Variants in RAD54L2 observed in about 807,000 individuals in gnomAD.
RAD54L2 encodes the protein helicase ARIP4.
A neutral mutation model predicts 138.4 loss-of-function variants in RAD54L2; 27 were observed. That is an observed-to-expected ratio of 0.20 (90% CI 0.14 to 0.27). The LOEUF (loss-of-function observed/expected upper bound fraction) is 0.27. RAD54L2 is among the 10% of genes least tolerant of loss of function. The probability of loss-of-function intolerance (pLI) is 1.00; values close to 1 mark genes in which losing one functional copy is unlikely to be tolerated. For missense variants in RAD54L2, 1,396 were observed against 1,890.2 expected (o/e 0.74, Z 4.85); for synonymous variants, 644 against 723.2 (o/e 0.89, Z 1.76).
At chr3:51,568,592 C>T (rs1217207370) in intron 2 of RAD54L2, among the ~76,000 whole-genome samples, 1 of 152,102 alleles carries the variant, frequency 6.6e-6, no homozygotes, top group African/African-American at 2.4e-5. Context: ...TAGGTTGACA[C>T]AGTGAGCACT....
Position 51,630,501 on chromosome 3 carries a change from C to A in RAD54L2, c.598+113C>A. ...CCTTCAATTTGGGATGTGGCTTTGA[C>A]TAATTTCCCTGTGTCTCCTTGGTAA... On this transcript the variant is annotated intron_variant, in intron 6 of 22. Coordinates refer to ENST00000684192, the MANE Select transcript of RAD54L2 (RefSeq NM_015106.4). 3 of 1,077,532 alleles carry A rather than the reference C, an allele frequency of 2.8e-6. 1 individual carries two copies. The highest frequency in any genetic ancestry group is 4.1e-6 in the Non-Finnish European group (3 of 736,030). 66.7% of individuals were successfully genotyped at this position (1,077,532 alleles called of 1,614,324 possible).
Position 51,638,055 on chromosome 3 carries a change from G to A in RAD54L2, c.1683-89G>A. ...GTTGAGATCCTCAAGAGGGAGGTGT[G>A]GCAGGAGTGCAAAAGGCTCTGTTTT... is the stretch of plus-strand genomic sequence containing the variant. On this transcript the variant is annotated intron_variant, in intron 11 of 22. Coordinates refer to ENST00000684192, the MANE Select transcript of RAD54L2 (RefSeq NM_015106.4). The surrounding 1 kb of genome is among the most constrained non-coding windows in gnomAD (Gnocchi z 4.3). 1 of 1,233,154 alleles carries A rather than the reference G, an allele frequency of 8.1e-7. No individual in the cohort carries two copies. Among genetic ancestry groups the A allele is most frequent in the Non-Finnish European group, 1.1e-6 (1 of 871,100 alleles). The allele number at this position is 1,233,154 out of a possible 1,614,324, so 76.4% of individuals were successfully genotyped here. A position where few individuals can be genotyped will look rare whatever the true frequency, so the allele number is the denominator to read the frequency against.
intron 2 of RAD54L2, among the ~76,000 whole-genome samples, chr3:51,587,776 C>T (rs1450985682): frequency 6.6e-6 from 1 of 152,004 alleles, no homozygotes; most frequent in Non-Finnish European, 1.5e-5. Context: ...TTATCTGAAG[C>T]TTAGTAAGAT....
At chr3:51,630,601 G>T in intron 6 of RAD54L2, 104 bp from the exon 7 acceptor site, 2 of 1,077,460 alleles carry the variant, frequency 1.9e-6, no homozygotes, top group Non-Finnish European at 2.7e-6. Flanking sequence ...AATAAGTGTT[G>T]ACAAGTTCTA....
In RAD54L2 at chr3:51,656,024, A is replaced by G. The variant is rs757856196; in HGVS notation, c.3080A>G (p.Gln1027Arg). The G allele has an allele frequency of 2.5e-5, 41 of 1,613,888 alleles. No individual in the cohort carries two copies. Among genetic ancestry groups the G allele is most frequent in the Non-Finnish European group, 3.4e-5 (40 of 1,179,884 alleles). ...CCTGTGGCCAGTGTTCGTCCTGTGC[A>G]GTCCACCCCCATCCCCATGATGCCC... ...EKPVASVRPV[Q>R]STPIPMMPRH... Residue 1027 changes from glutamine to arginine, a missense_variant, in exon 20 of 23, where the codon CAG becomes CGG. This residue lies in a region of RAD54L2 where 634 missense variants were observed against 711.2 expected (regional missense o/e 0.89). Transcript: ENST00000684192.
chr3:51,609,643 A>T (rs189351717), intron 3 of RAD54L2, among the ~76,000 whole-genome samples: 1 of 151,078 alleles, frequency 6.6e-6, no homozygotes, highest in East Asian at 1.9e-4. Flanking sequence ...CTGCTTGTGA[A>T]ACCCCAGTCT....
Position 51,630,382 on chromosome 3 carries a change from C to G in RAD54L2, c.592C>G (p.Arg198Gly), listed in dbSNP as rs773004139. The G allele has an allele frequency of 1.5e-5, 24 of 1,613,066 alleles. No homozygotes were observed. The South Asian group carries it at 2.5e-4, about 17-fold the overall frequency. Residue 198 changes from arginine (R) to glycine (G), a missense_variant, in exon 6 of 23, where the codon CGA (arginine) becomes GGA (glycine). Coordinates refer to ENST00000684192, the MANE Select transcript of RAD54L2 (RefSeq NM_015106.4). ...SSGSEDEKSS[R>G]DEVIELSSGE... Reference sequence around the variant, plus strand: ...TGGCAGTGAGGATGAAAAAAGCAGTCGAGATGGTAAGATCAAACCAGGTGC... The same window carrying G: ...TGGCAGTGAGGATGAAAAAAGCAGTGGAGATGGTAAGATCAAACCAGGTGC...
chr3:51,564,902 T>G (rs939257638), intron 2 of RAD54L2, among the ~76,000 whole-genome samples: 10 of 152,250 alleles, frequency 6.6e-5, no homozygotes, highest in African/African-American at 2.4e-4. Flanking sequence ...AGGATGCTGT[T>G]AAGAAACAGC....
In RAD54L2 at chr3:51,606,418, G is replaced by A. The variant is rs73834263; in HGVS notation, c.139+15859G>A. The stretch of plus-strand genomic sequence containing the variant: ...GGTATACTCTTTAGGTACAGAATCC[G>A]TGATGGACATGAGAAAAGGCAAGGA... On this transcript the variant is annotated intron_variant, in intron 3 of 22. Coordinates refer to ENST00000684192, the MANE Select transcript of RAD54L2 (RefSeq NM_015106.4). 8.8e-3 allele frequency among the ~76,000 whole-genome samples: 1,334 copies of A among 152,258 alleles called. 15 individuals carry two copies. Among genetic ancestry groups the A allele is most frequent in the African/African-American group, 0.022 (923 of 41,546 alleles).
intron 2 of RAD54L2, among the ~76,000 whole-genome samples, chr3:51,565,753 G>A (rs1005048448): frequency 3.9e-5 from 6 of 151,922 alleles, no homozygotes; most frequent in East Asian, 3.9e-4. Flanking sequence ...GATTACAGGC[G>A]TGAGCCACTG....
intron 7 of RAD54L2, among the ~76,000 whole-genome samples, 163 bp from the exon 8 acceptor site, chr3:51,633,414 A>G (rs1700897607): frequency 6.6e-6 from 1 of 152,180 alleles, no homozygotes; most frequent in Non-Finnish European, 1.5e-5. Context: ...TGTCACCAGC[A>G]AATAGATCAG....
intron 3 of RAD54L2, among the ~76,000 whole-genome samples, chr3:51,615,003 A>G (rs1357884528): frequency 2.7e-5 from 4 of 150,120 alleles, no homozygotes; most frequent in African/African-American, 7.3e-5. Context: ...ATTAATTAAT[A>G]TTTTATTTTA....
chr3:51,644,940 G>C (rs749745782), intron 16 of RAD54L2, 84 bp from the exon 17 acceptor site: 14 of 1,344,500 alleles, frequency 1.0e-5, no homozygotes, highest in Non-Finnish European at 1.4e-5. Context: ...AGTAATATTG[G>C]GGTAGAAGTC....
intron 21 of RAD54L2, among the ~76,000 whole-genome samples, chr3:51,658,484 A>G (rs978658367): frequency 3.9e-5 from 6 of 152,292 alleles, no homozygotes; most frequent in African/African-American, 1.4e-4. Context: ...GGGATATGAG[A>G]TTGGTGGAAT....
chr3:51,635,542 T>C, intron 9 of RAD54L2, 51 bp from the exon 10 acceptor site: 2 of 1,527,172 alleles, frequency 1.3e-6, no homozygotes, highest in East Asian at 2.3e-5. Context: ...GAAACAATAA[T>C]TCTTGAGATA....
At chr3:51,649,924 C>G (rs1701386055) in intron 19 of RAD54L2, among the ~76,000 whole-genome samples, 2 of 150,828 alleles carry the variant, frequency 1.3e-5, no homozygotes, top group Admixed American at 1.3e-4. Flanking sequence ...GGATCAAATT[C>G]ACACATAACA....
intron 2 of RAD54L2, among the ~76,000 whole-genome samples, chr3:51,571,671 A>T (rs946475683): frequency 2.0e-5 from 3 of 151,946 alleles, no homozygotes; most frequent in Non-Finnish European, 2.9e-5. Context: ...CCTGTCCTCA[A>T]ATAGCTTATT....
At chr3:51,542,750 A>T (rs947899452) in intron 2 of RAD54L2, among the ~76,000 whole-genome samples, 1 of 152,168 alleles carries the variant, frequency 6.6e-6, no homozygotes, top group African/African-American at 2.4e-5. Flanking sequence ...GGTGTGAGCC[A>T]CCGCGCCTGG....
chr3:51,663,070 C>T lies in RAD54L2; in HGVS notation c.4054C>T (p.Pro1352Ser), dbSNP rs774394089. The change falls in exon 23 of 23, where the codon CCC (proline) becomes TCC (serine). Residue 1352 changes from proline to serine, a missense_variant. Pro to Ser is a moderately conservative substitution (Grantham distance 74, BLOSUM62 -1). Around this residue, in one of 7 missense-constraint regions of RAD54L2, gnomAD observed 634 missense variants for 711.2 expected, o/e 0.89. Coordinates refer to ENST00000684192, the MANE Select transcript of RAD54L2 (RefSeq NM_015106.4). ...TACTGACCCTCTGGTGCCAGCAGGC[C>T]CCGTCAGTTCCTCTTCCACGGCTAC... ...VTTDPLVPAG[P>S]VSSSSTATSV... The T allele has an allele frequency of 6.2e-7, 1 of 1,613,934 alleles. No homozygotes were observed. Among genetic ancestry groups the T allele is most frequent in the African/African-American group, 1.3e-5 (1 of 75,018 alleles).
Sources: gnomAD v4.1 joint callset for allele counts (sites outside exome capture counted in the v4.1 genomes callset) on GRCh38, gnomAD v4.1.1 for gene constraint, gnomAD v4.1.1 regional missense constraint, Gnocchi (gnomAD v3.1) non-coding constraint, MANE v1.5 for transcripts, NCBI Gene and HGNC (gene_info 2026-07-23, HGNC 2026-07-21) for gene names.